Variants in NEBL observed in about 807,000 individuals in gnomAD.
NEBL encodes LIM and SH3 protein 2.
In NEBL, 122 loss-of-function variants were observed where a neutral mutation model predicts 140.2. The observed-to-expected ratio is 0.87, with a 90% CI of 0.75 to 1.01. The LOEUF (loss-of-function observed/expected upper bound fraction) is 1.01. Ranked by LOEUF, NEBL falls within the 50% of genes least tolerant of loss-of-function variation. NEBL has a pLI of 0.00. For missense variants in NEBL, 1,365 were observed against 1,231.3 expected (o/e 1.11, Z -1.62); for synonymous variants, 436 against 398.9 (o/e 1.09, Z -1.11).
In NEBL at chr10:21,049,009, C is replaced by CAAAT. The variant is rs376140345; in HGVS notation, c.165-28812_165-28809dup. On this transcript the variant is annotated intron_variant, in intron 2 of 6. Coordinates refer to the NEBL transcript ENST00000417816. ...TGGATGACAGAGAGAGACTCCAACT[C>CAAAT]AAATAAATAAATAAATAAAAAGACT... Among the ~76,000 whole-genome samples, 677 of 152,038 alleles carry CAAAT rather than the reference C, an allele frequency of 4.5e-3. 4 individuals are homozygous for CAAAT. The highest frequency in any genetic ancestry group is 0.015 in the African/African-American group (624 of 41,474).
chr10:21,093,536 T>C (rs1045684233), intron 2 of NEBL, among the ~76,000 whole-genome samples: 3 of 152,126 alleles, frequency 2.0e-5, no homozygotes, highest in Non-Finnish European at 2.9e-5. Context: ...CTGAATGCCA[T>C]CTCCAAATTT....
chr10:20,793,096 C>A (rs1382877679), intron 26 of NEBL, among the ~76,000 whole-genome samples: 1 of 152,108 alleles, frequency 6.6e-6, no homozygotes, highest in East Asian at 1.9e-4. Context: ...CAGAAGCAAG[C>A]CAGATTGCCT....
At chr10:21,182,405 G>A (rs1841402524) in intron 3 of NEBL, among the ~76,000 whole-genome samples, 1 of 152,176 alleles carries the variant, frequency 6.6e-6, no homozygotes, top group South Asian at 2.1e-4. Context: ...GAATCCAGGA[G>A]TTCTAGGCTG....
At chr10:20,807,711 G>A (rs1375474335) in intron 26 of NEBL, among the ~76,000 whole-genome samples, 1 of 152,160 alleles carries the variant, frequency 6.6e-6, no homozygotes, top group African/African-American at 2.4e-5. Context: ...TGAGTTGAAA[G>A]GGAAATTCAG....
intron 1 of NEBL, among the ~76,000 whole-genome samples, chr10:21,262,185 G>T (rs1440560421): frequency 6.6e-6 from 1 of 152,208 alleles, no homozygotes; most frequent in Non-Finnish European, 1.5e-5. Flanking sequence ...ACAAGTGGCT[G>T]TCACTATGGA....
At chr10:21,075,900 A>G (rs1836049365) in intron 2 of NEBL, among the ~76,000 whole-genome samples, 1 of 152,230 alleles carries the variant, frequency 6.6e-6, no homozygotes, top group Admixed American at 6.5e-5. Flanking sequence ...CAAAGAAAAT[A>G]GACAAATGAC....
At chr10:21,234,439 T>C (rs1405348917) in intron 3 of NEBL, among the ~76,000 whole-genome samples, 1 of 152,164 alleles carries the variant, frequency 6.6e-6, no homozygotes, top group East Asian at 1.9e-4. Flanking sequence ...CCACTTCACC[T>C]GCTATGGGTA....
intron 2 of NEBL, among the ~76,000 whole-genome samples, chr10:21,130,418 T>C (rs1474206308): frequency 6.6e-6 from 1 of 152,132 alleles, no homozygotes; most frequent in African/African-American, 2.4e-5. Flanking sequence ...TTGACATGTA[T>C]AGACTACTTT....
At chr10:20,821,551 T>C (rs1366816553) in intron 19 of NEBL, among the ~76,000 whole-genome samples, 2 of 152,226 alleles carry the variant, frequency 1.3e-5, no homozygotes, top group South Asian at 4.1e-4. Flanking sequence ...ATTCACTGTT[T>C]ATTTTCAAAT....
chr10:21,110,196 G>C (rs1418253672), intron 2 of NEBL, among the ~76,000 whole-genome samples: 4 of 152,072 alleles, frequency 2.6e-5, no homozygotes, highest in Non-Finnish European at 5.9e-5. Flanking sequence ...TGCTGGCCTT[G>C]TGCCCACTTC....
Position 20,835,584 on chromosome 10 carries a change from T to C in NEBL, c.1378A>G (p.Lys460Glu). 6.2e-7 allele frequency: 1 copy of C among 1,612,468 alleles called. No individual in the cohort carries two copies. The highest frequency in any genetic ancestry group is 8.5e-7 in the Non-Finnish European group (1 of 1,179,738). The change falls in exon 14 of 28, where the codon AAA (lysine) becomes GAA (glutamate). Residue 460 changes from lysine to glutamate, a missense_variant. Coordinates refer to ENST00000377122, the MANE Select transcript of NEBL (RefSeq NM_006393.3). Reference protein sequence around the residue: ...KKDLESIIKGKGMQAGTDTLE... With the variant: ...KKDLESIIKGEGMQAGTDTLE... ...GTGTCAGTGCCAGCTTGCATTCCTTTCCCTTTAATTATTGACTCCAGGTCT... is the reference window on the plus strand; with the variant it reads ...GTGTCAGTGCCAGCTTGCATTCCTTCCCCTTTAATTATTGACTCCAGGTCT...
chr10:21,169,289 T>A (rs1286628991), intron 2 of NEBL, among the ~76,000 whole-genome samples: 1 of 151,570 alleles, frequency 6.6e-6, no homozygotes, highest in Non-Finnish European at 1.5e-5. Context: ...CATTTAAGCA[T>A]GTATATACAT....
chr10:20,924,614 T>G (rs1026213546), intron 4 of NEBL, among the ~76,000 whole-genome samples: 4 of 150,842 alleles, frequency 2.7e-5, no homozygotes, highest in African/African-American at 7.3e-5. Context: ...TGAGTGAGAA[T>G]GTGAAAGAAT....
chr10:20,984,496 C>T (rs1477045553), intron 3 of NEBL, among the ~76,000 whole-genome samples: 2 of 152,100 alleles, frequency 1.3e-5, no homozygotes, highest in Non-Finnish European at 2.9e-5. Flanking sequence ...ACCTTTGTCT[C>T]ATCAGGTTTT....
At chr10:20,983,155 C>T (rs1837123007) in intron 3 of NEBL, among the ~76,000 whole-genome samples, 2 of 152,140 alleles carry the variant, frequency 1.3e-5, no homozygotes, top group South Asian at 2.1e-4. Flanking sequence ...TCTGGAGAAG[C>T]ATGTCTCTTC....
intron 3 of NEBL, among the ~76,000 whole-genome samples, chr10:20,888,713 A>G (rs1478079736): frequency 6.6e-6 from 1 of 151,702 alleles, no homozygotes; most frequent in Non-Finnish European, 1.5e-5. Flanking sequence ...CTCAGTCACT[A>G]CTCTAAAGAC....
In NEBL at chr10:20,869,786, C is replaced by G; in HGVS notation, c.536G>C (p.Arg179Pro). ...DTHTYSAELDRPDIKMATQIS... is the reference protein window; with the variant it reads ...DTHTYSAELDPPDIKMATQIS... ...CTGGGTTGCCATCTTGATGTCTGGT[C>G]GGTCAAGTTCTGCACTGTACGTGTG... The change falls in exon 6 of 28, where the codon CGA (arginine) becomes CCA (proline). Residue 179 changes from arginine to proline, a missense_variant. Physicochemically the swap from Arg to Pro is moderately radical, Grantham distance 103. Transcript: ENST00000377122. The G allele has an allele frequency of 6.2e-7, 1 of 1,613,462 alleles. No homozygotes were observed. The highest frequency in any genetic ancestry group is 8.5e-7 in the Non-Finnish European group (1 of 1,179,498).
At chr10:20,944,103 T>G (rs10047342) in intron 4 of NEBL, among the ~76,000 whole-genome samples, 9,265 of 152,266 alleles carry the variant, frequency 0.061, 794 homozygotes, top group African/African-American at 0.19. Flanking sequence ...TGTATTTAAA[T>G]ATAGTTAAAT....
At chr10:21,271,538 T>C (rs1842860237) in intron 1 of NEBL, among the ~76,000 whole-genome samples, 1 of 151,986 alleles carries the variant, frequency 6.6e-6, no homozygotes. Context: ...TTTTTTTTTT[T>C]TTTTCTAGAT....
Sources: allele counts gnomAD v4.1 joint callset (sites outside exome capture counted in the v4.1 genomes callset), GRCh38; gene constraint gnomAD v4.1.1; transcripts MANE v1.5; gene names NCBI Gene and HGNC (gene_info 2026-07-23, HGNC 2026-07-21).